OPTN: variants seen among roughly 807,000 people sequenced by gnomAD.
OPTN encodes E3-14.7K-interacting protein.
OPTN carries 54 observed loss-of-function variants against 70.4 expected under a neutral mutation model. The observed-to-expected ratio is 0.77, with a 90% CI of 0.62 to 0.96. The LOEUF is 0.96. OPTN is among the 40% of genes least tolerant of loss of function. OPTN has a pLI of 0.00. For synonymous variants in OPTN, 256 were observed against 248.5 expected (o/e 1.03, Z -0.28); for missense variants, 624 against 673.2 (o/e 0.93, Z 0.81).
intron 13 of OPTN, among the ~76,000 whole-genome samples, chr10:13,133,084 A>G (rs1438158718): frequency 3.9e-5 from 6 of 152,294 alleles, no homozygotes; most frequent in East Asian, 3.9e-4. Flanking sequence ...TACCTATATC[A>G]TATCTCAAAA....
chr10:13,115,231 A>C (rs1402327208), intron 5 of OPTN, among the ~76,000 whole-genome samples: 1 of 81,064 alleles, frequency 1.2e-5, no homozygotes, highest in Non-Finnish European at 2.0e-5. Context: ...TTATATATAG[A>C]TATATCTATA....
intron 11 of OPTN, among the ~76,000 whole-genome samples, chr10:13,127,046 T>G (rs549230651): frequency 1.3e-5 from 2 of 152,170 alleles, no homozygotes; most frequent in Admixed American, 6.5e-5. Context: ...AATAAATAAA[T>G]TAGTAATAAT....
rs949380731 is a variant in OPTN, at chr10:13,100,870, A to G, written c.-164+568A>G. On this transcript the variant is annotated intron_variant, in intron 1 of 14. Transcript: ENST00000378747. ...AAGCTACAGGAAGTAAACATCGCTC[A>G]AAGAAAATGAAACCCAGGTTCCGAC... 4.5e-4 allele frequency among the ~76,000 whole-genome samples: 68 copies of G among 152,378 alleles called. 2 individuals are homozygous for G. The highest frequency in any genetic ancestry group is 1.2e-3 in the South Asian group (6 of 4,828).
At chr10:13,125,030 A>G (rs772007205) in intron 9 of OPTN, among the ~76,000 whole-genome samples, 3 of 152,220 alleles carry the variant, frequency 2.0e-5, no homozygotes, top group African/African-American at 7.2e-5. Flanking sequence ...GTCAGAAACT[A>G]AAGTCTTTGC....
Position 13,137,773 on chromosome 10 carries a change from C to T in OPTN, c.*907C>T, listed in dbSNP as rs182827592. On this transcript the variant is annotated 3_prime_UTR_variant, in exon 15 of 15. Transcript: ENST00000378747. Reference sequence around the variant, plus strand: ...GAAAAAATATTGGCATCGATGAAACCGATAACATTGGCCTCATTGGATTTC... The same window carrying T: ...GAAAAAATATTGGCATCGATGAAACTGATAACATTGGCCTCATTGGATTTC... 4.4e-5 allele frequency: 10 copies of T among 227,652 alleles called. No individual in the cohort carries two copies. The highest frequency in any genetic ancestry group is 6.6e-5 in the African/African-American group (3 of 45,126). The allele number at this position is 227,652 out of a possible 1,614,324, so 14.1% of individuals were successfully genotyped here. A position where few individuals can be genotyped will look rare whatever the true frequency, so the allele number is the denominator to read the frequency against.
At chr10:13,109,485 A>C in intron 3 of OPTN, 197 bp downstream of exon 3, 1 of 589,070 alleles carries the variant, frequency 1.7e-6, no homozygotes, top group East Asian at 2.9e-5. Context: ...ACAAGTAAAA[A>C]CTGTGTGTAT....
chr10:13,135,417 C>G (rs1028190573), intron 14 of OPTN, among the ~76,000 whole-genome samples: 8 of 151,684 alleles, frequency 5.3e-5, no homozygotes, highest in Admixed American at 2.0e-4. Flanking sequence ...GTAGATAACT[C>G]CTGTTCATTC....
intron 14 of OPTN, 47 bp from the exon 15 acceptor site, chr10:13,136,698 A>G (rs376676766): frequency 3.3e-5 from 54 of 1,612,890 alleles, no homozygotes; most frequent in Non-Finnish European, 4.1e-5. Context: ...AAACAAACAC[A>G]ACTGCCTGCA....
At chr10:13,111,218 C>T (rs537214382) in intron 4 of OPTN, among the ~76,000 whole-genome samples, 1 of 152,162 alleles carries the variant, frequency 6.6e-6, no homozygotes, top group Non-Finnish European at 1.5e-5. Flanking sequence ...TTTTTCCTTC[C>T]TTTCTGGAAT....
At chr10:13,136,650 T>C (rs1206056583) in intron 14 of OPTN, 95 bp from the exon 15 acceptor site, 4 of 1,480,500 alleles carry the variant, frequency 2.7e-6, no homozygotes, top group Non-Finnish European at 3.7e-6. Flanking sequence ...AATACGAAGT[T>C]GAACTGATGT....
intron 6 of OPTN, among the ~76,000 whole-genome samples, chr10:13,117,725 G>C (rs941869604): frequency 3.3e-5 from 5 of 152,170 alleles, no homozygotes; most frequent in Non-Finnish European, 7.3e-5. Context: ...GGGATTACAG[G>C]CGTGAGCCAC....
chr10:13,130,365 C>G (rs1435451288), intron 12 of OPTN, among the ~76,000 whole-genome samples: 1 of 130,136 alleles, frequency 7.7e-6, no homozygotes, highest in African/African-American at 2.9e-5. Context: ...GCAGAGGTTG[C>G]AGTGAGCCGA....
intron 11 of OPTN, among the ~76,000 whole-genome samples, chr10:13,126,325 G>T (rs2131517585): frequency 6.7e-6 from 1 of 148,464 alleles, no homozygotes; most frequent in African/African-American, 2.5e-5. Flanking sequence ...CTGTCGCCCA[G>T]GCTGGAGTGC....
chr10:13,109,072 C>T (rs376230975), intron 2 of OPTN, 40 bp from the exon 3 acceptor site: 16 of 1,590,608 alleles, frequency 1.0e-5, no homozygotes, highest in East Asian at 6.7e-5. Context: ...CCTTGTGGGG[C>T]GGGGGACAGC....
At position 13,133,497 on chromosome 10, in the gene OPTN, G is replaced by A. The variant is rs2131530297; in HGVS notation, c.1533-5G>A. 2.5e-6 allele frequency: 4 copies of A among 1,613,844 alleles called. No individual in the cohort carries two copies. The highest frequency in any genetic ancestry group is 2.5e-6 in the Non-Finnish European group (3 of 1,179,800). ...CACACAGCGTGTTGCTTTTCGTCCTGGCAGGCAGTCCTTGATGGAGATGCA... is the reference window on the plus strand; with the variant it reads ...CACACAGCGTGTTGCTTTTCGTCCTAGCAGGCAGTCCTTGATGGAGATGCA... On this transcript the variant is annotated splice_polypyrimidine_tract_variant and splice_region_variant and intron_variant, in intron 13 of 14. Transcript: ENST00000378747.
At position 13,103,749 on chromosome 10, in the gene OPTN, C is replaced by CAG. The variant is rs746428262; in HGVS notation, c.-164+3448_-164+3449insGA. Among the ~76,000 whole-genome samples the CAG allele has an allele frequency of 4.7e-3, 699 of 148,918 alleles. 8 individuals are homozygous for CAG. The highest frequency in any genetic ancestry group is 0.014 in the African/African-American group (572 of 40,504). ...ATGTATATACACACACATGCACACA[C>CAG]ACACACACACACACACACAATCAGG... On this transcript the variant is annotated intron_variant, in intron 1 of 14. Coordinates refer to ENST00000378747, the MANE Select transcript of OPTN (RefSeq NM_001008212.2).
Position 13,110,193 on chromosome 10 carries a change from A to G in OPTN, c.167-81A>G. ...CTTTCAATTCAGAGCCATGTGGTCA[A>G]GTGGACTAGAGGGAGATTTGGTTCA... On this transcript the variant is annotated intron_variant, in intron 3 of 14. Coordinates refer to ENST00000378747, the MANE Select transcript of OPTN (RefSeq NM_001008212.2). The G allele has an allele frequency of 4.4e-6, 7 of 1,576,418 alleles. No individual in the cohort carries two copies. The highest frequency in any genetic ancestry group is 6.0e-6 in the Non-Finnish European group (7 of 1,160,340).
intron 4 of OPTN, 74 bp from the exon 5 acceptor site, chr10:13,112,379 G>A (rs557450224): frequency 4.3e-5 from 61 of 1,429,390 alleles, no homozygotes; most frequent in Middle Eastern, 2.0e-4. Flanking sequence ...AGAGCTCTGC[G>A]ATTAAGGGCA....
At chr10:13,132,510 T>G (rs370841578) in intron 13 of OPTN, among the ~76,000 whole-genome samples, 85 of 152,064 alleles carry the variant, frequency 5.6e-4, no homozygotes, top group African/African-American at 2.0e-3. Flanking sequence ...TTTTAAAATG[T>G]TGTGTTGTTT....
Sources: allele counts gnomAD v4.1 joint callset (sites outside exome capture counted in the v4.1 genomes callset), GRCh38; gene constraint gnomAD v4.1.1; transcripts MANE v1.5; gene names NCBI Gene and HGNC (gene_info 2026-07-23, HGNC 2026-07-21).